BABAM2: variants seen among roughly 807,000 people sequenced by gnomAD.
The protein encoded by BABAM2 is BRISC and BRCA1 A complex member 2.
In BABAM2, 31 loss-of-function variants were observed where a neutral mutation model predicts 54.7. The observed-to-expected ratio is 0.57, with a 90% CI of 0.43 to 0.77. The LOEUF (loss-of-function observed/expected upper bound fraction) is 0.77. Among genes scored for constraint, BABAM2 ranks in the 30% least tolerant of loss-of-function variants. The probability of loss-of-function intolerance (pLI) is 0.00; values close to 1 mark genes in which losing one functional copy is unlikely to be tolerated. For synonymous variants in BABAM2, 167 were observed against 162.9 expected (o/e 1.03, Z -0.19); for missense variants, 364 against 455.8 (o/e 0.80, Z 1.83).
chr2:28,267,951 T>C (rs530530847), intron 10 of BABAM2, among the ~76,000 whole-genome samples: 21 of 152,294 alleles, frequency 1.4e-4, no homozygotes, highest in African/African-American at 4.8e-4. Flanking sequence ...GAGGAATGGA[T>C]AAATAGTGTC....
intron 7 of BABAM2, among the ~76,000 whole-genome samples, chr2:28,160,635 TG>T (rs773270270): frequency 4.4e-4 from 66 of 151,224 alleles, no homozygotes; most frequent in African/African-American, 1.4e-3. Flanking sequence ...AAATATTTAA[TG>T]TTTTTTTTTT....
At chr2:28,048,045 T>C (rs1359299100) in intron 6 of BABAM2, among the ~76,000 whole-genome samples, 3 of 152,234 alleles carry the variant, frequency 2.0e-5, no homozygotes, top group African/African-American at 4.8e-5. Context: ...GGCCTATAAT[T>C]GATAGTCTAA....
rs548838868 is a variant in BABAM2, at chr2:28,257,825, C to G, written c.934+12963C>G. 2.0e-5 allele frequency among the ~76,000 whole-genome samples: 3 copies of G among 152,236 alleles called. No individual in the cohort carries two copies. The South Asian group carries it at 6.2e-4, about 32-fold the overall frequency. On this transcript the variant is annotated intron_variant, in intron 10 of 11. Coordinates refer to ENST00000379624, the MANE Select transcript of BABAM2 (RefSeq NM_199191.3). ...GGTTGAGCTCAGGAGGTCAGGGCTG[C>G]AGTAAGCCATGTTCATACCTCTGCA...
chr2:28,162,162 G>A (rs13401691), intron 7 of BABAM2, among the ~76,000 whole-genome samples: 71,888 of 151,968 alleles, frequency 0.47, 17,575 homozygotes, highest in Middle Eastern at 0.59. Context: ...TTGAAATACC[G>A]TATTTTGTCT....
chr2:28,235,563 G>A (rs1261617858), intron 7 of BABAM2, among the ~76,000 whole-genome samples: 2 of 152,158 alleles, frequency 1.3e-5, no homozygotes, highest in African/African-American at 4.8e-5. Context: ...TTTTAGTAGT[G>A]TTTTATACAT....
chr2:28,203,410 C>G (rs973637910), intron 7 of BABAM2, among the ~76,000 whole-genome samples: 4 of 152,140 alleles, frequency 2.6e-5, no homozygotes, highest in Non-Finnish European at 2.9e-5. Flanking sequence ...AAATGGTTTT[C>G]TACTTTCTTG....
chr2:28,175,612 C>T (rs1335606242), intron 7 of BABAM2, among the ~76,000 whole-genome samples: 2 of 152,238 alleles, frequency 1.3e-5, no homozygotes, highest in Non-Finnish European at 2.9e-5. Context: ...TTGTCACAGC[C>T]ACTGCTAACA....
chr2:28,135,206 C>G lies in BABAM2; in HGVS notation c.680+5826C>G, dbSNP rs1670429158. Among the ~76,000 whole-genome samples, 4 of 152,144 alleles carry G rather than the reference C, an allele frequency of 2.6e-5. No homozygotes were observed. The South Asian group carries it at 8.3e-4, about 32-fold the overall frequency. On this transcript the variant is annotated intron_variant, in intron 7 of 11. Coordinates refer to ENST00000379624, the MANE Select transcript of BABAM2 (RefSeq NM_199191.3). ...GGAGCTTTGGAAGATTATGGAAAGCCTGGCTTTTCTAGAGATTAAATATGC... is the reference window on the plus strand; with the variant it reads ...GGAGCTTTGGAAGATTATGGAAAGCGTGGCTTTTCTAGAGATTAAATATGC...
At chr2:28,003,352 C>T (rs1673712797) in intron 4 of BABAM2, among the ~76,000 whole-genome samples, 1 of 152,026 alleles carries the variant, frequency 6.6e-6, no homozygotes, top group Non-Finnish European at 1.5e-5. Flanking sequence ...TTTATTTAGT[C>T]TGGGGTAGAA....
At chr2:28,324,363 G>A (rs893616359) in intron 11 of BABAM2, among the ~76,000 whole-genome samples, 4 of 152,208 alleles carry the variant, frequency 2.6e-5, no homozygotes, top group Admixed American at 2.0e-4. Context: ...TCCCGACTCA[G>A]TGGACAGTAC....
At chr2:28,095,421 T>G (rs1364126247) in intron 6 of BABAM2, among the ~76,000 whole-genome samples, 1 of 152,216 alleles carries the variant, frequency 6.6e-6, no homozygotes, top group African/African-American at 2.4e-5. Context: ...GTCTACATGC[T>G]CACCATTGTA....
At chr2:28,310,012 G>T (rs542761921) in intron 11 of BABAM2, 3 of 1,482,534 alleles carry the variant, frequency 2.0e-6, no homozygotes, top group African/African-American at 1.4e-5. Flanking sequence ...TATAAATAAC[G>T]TGGAATTATT....
chr2:27,904,194 G>T (rs1666029161), intron 2 of BABAM2, among the ~76,000 whole-genome samples: 1 of 152,154 alleles, frequency 6.6e-6, no homozygotes, highest in Admixed American at 6.6e-5. Flanking sequence ...AATTGTTTCT[G>T]GAATTTTCCA....
intron 4 of BABAM2, among the ~76,000 whole-genome samples, chr2:27,994,761 T>G (rs1673020704): frequency 6.6e-6 from 1 of 152,222 alleles, no homozygotes; most frequent in Non-Finnish European, 1.5e-5. Flanking sequence ...ACTGTGAACA[T>G]TCTTGTACAT....
chr2:28,166,035 G>A (rs1673639904), intron 7 of BABAM2, among the ~76,000 whole-genome samples: 1 of 152,086 alleles, frequency 6.6e-6, no homozygotes, highest in Non-Finnish European at 1.5e-5. Context: ...ATAATAAGAG[G>A]AAATTAGGAC....
chr2:28,113,115 T>A (rs1178671516), intron 6 of BABAM2, among the ~76,000 whole-genome samples: 1 of 152,248 alleles, frequency 6.6e-6, no homozygotes, highest in Non-Finnish European at 1.5e-5. Context: ...CTTTGTCAGA[T>A]GGATAGATTG....
At chr2:28,280,930 T>C (rs1482207579) in intron 10 of BABAM2, among the ~76,000 whole-genome samples, 1 of 152,164 alleles carries the variant, frequency 6.6e-6, no homozygotes, top group African/African-American at 2.4e-5. Context: ...GCAGGCTGAA[T>C]GAGAAGGGGT....
At chr2:27,931,290 A>T (rs1668075911) in intron 3 of BABAM2, among the ~76,000 whole-genome samples, 2 of 152,208 alleles carry the variant, frequency 1.3e-5, no homozygotes, top group South Asian at 4.1e-4. Context: ...TAAAAACGTA[A>T]AAGTACTGGA....
At chr2:27,977,353 G>A (rs1671675654) in intron 3 of BABAM2, among the ~76,000 whole-genome samples, 1 of 152,186 alleles carries the variant, frequency 6.6e-6, no homozygotes, top group Non-Finnish European at 1.5e-5. Flanking sequence ...CAAAATTGGA[G>A]TAGAATCTAA....
Sources: allele counts gnomAD v4.1 joint callset (sites outside exome capture counted in the v4.1 genomes callset), GRCh38; gene constraint gnomAD v4.1.1; transcripts MANE v1.5; gene names NCBI Gene and HGNC (gene_info 2026-07-23, HGNC 2026-07-21).